The following SPMIP2 variants were observed in gnomAD, a reference collection of about 807,000 sequenced individuals.
The protein encoded by SPMIP2 is sperm microtubule inner protein 2, also known as protein SPMIP2.
chr4:159,045,484 AAGG>A, the SPMIP2 span, among the ~76,000 whole-genome samples: 4 of 152,206 alleles, frequency 2.6e-5, no homozygotes, highest in South Asian at 4.1e-4. Flanking sequence ...ATTGAAAGTG[AAGG>A]AGAAGAAACC....
the SPMIP2 span, among the ~76,000 whole-genome samples, chr4:158,967,311 C>T: frequency 6.6e-6 from 1 of 152,094 alleles, no homozygotes; most frequent in Non-Finnish European, 1.5e-5. Context: ...AATATTTCTC[C>T]CGCCTCACAG....
chr4:158,993,550 G>A, the SPMIP2 span, among the ~76,000 whole-genome samples: 6 of 151,520 alleles, frequency 4.0e-5, no homozygotes, highest in South Asian at 2.1e-4. Flanking sequence ...CATTTAGTTC[G>A]TTCATTTATT....
chr4:158,989,760 C>T, the SPMIP2 span, among the ~76,000 whole-genome samples: 1 of 152,128 alleles, frequency 6.6e-6, no homozygotes, highest in African/African-American at 2.4e-5. Flanking sequence ...AAATGTAAGA[C>T]CTAAAACCAT....
the SPMIP2 span, among the ~76,000 whole-genome samples, chr4:158,928,347 G>A: frequency 7.9e-5 from 12 of 151,568 alleles, no homozygotes; most frequent in African/African-American, 2.2e-4. Flanking sequence ...TACACCAATC[G>A]GCACTCTGTA....
chr4:158,941,554 G>A, the SPMIP2 span, among the ~76,000 whole-genome samples: 1,212 of 152,274 alleles, frequency 8.0e-3, 19 homozygotes, highest in African/African-American at 0.028. Flanking sequence ...AGCTACTTGG[G>A]AGGCTGTGGC....
At chr4:158,928,068 C>A in the SPMIP2 span, among the ~76,000 whole-genome samples, 1 of 152,212 alleles carries the variant, frequency 6.6e-6, no homozygotes, top group African/African-American at 2.4e-5. Context: ...CATCGACCAC[C>A]CAAGGGCTGA....
chr4:159,047,895 G>T, the SPMIP2 span, among the ~76,000 whole-genome samples: 1 of 152,114 alleles, frequency 6.6e-6, no homozygotes, highest in Non-Finnish European at 1.5e-5. Context: ...AAGAAGACGG[G>T]GTTTCAAATA....
chr4:159,030,637 C>G, the SPMIP2 span, among the ~76,000 whole-genome samples: 1 of 151,946 alleles, frequency 6.6e-6, no homozygotes, highest in Non-Finnish European at 1.5e-5. Context: ...GCTGGGATTA[C>G]ACGGGTATGC....
At chr4:159,021,934 A>G in the SPMIP2 span, among the ~76,000 whole-genome samples, 2 of 152,336 alleles carry the variant, frequency 1.3e-5, no homozygotes, top group South Asian at 4.1e-4. Flanking sequence ...GAATCCTCCG[A>G]AAAGGAAATA....
At chr4:158,990,108 C>T in the SPMIP2 span, among the ~76,000 whole-genome samples, 2 of 152,048 alleles carry the variant, frequency 1.3e-5, no homozygotes, top group African/African-American at 2.4e-5. Context: ...TTTATGCAAC[C>T]AATAAACATA....
At chr4:158,974,767 A>T in the SPMIP2 span, among the ~76,000 whole-genome samples, 1 of 152,190 alleles carries the variant, frequency 6.6e-6, no homozygotes, top group Non-Finnish European at 1.5e-5. Flanking sequence ...TGCAAAAAAC[A>T]TACGTGTGCA....
At chr4:159,007,074 GCATACGGT>G in the SPMIP2 span, 3 of 539,836 alleles carry the variant, frequency 5.6e-6, no homozygotes, top group African/African-American at 5.8e-5. Context: ...ATATATTGAA[GCATACGGT>G]AATTAGGAGG....
chr4:158,981,250 A>G, the SPMIP2 span, among the ~76,000 whole-genome samples: 96,640 of 152,010 alleles, frequency 0.64, 31,030 homozygotes, highest in Middle Eastern at 0.71. Context: ...TGAAAGTGAC[A>G]GGGAGAATGG....
At chr4:158,915,279 T>C in the SPMIP2 span, 1 of 1,613,636 alleles carries the variant, frequency 6.2e-7, no homozygotes, top group Non-Finnish European at 8.5e-7. Flanking sequence ...CTGATCAGTG[T>C]CCTCGAAAGC....
the SPMIP2 span, among the ~76,000 whole-genome samples, chr4:158,966,082 C>A: frequency 3.3e-5 from 5 of 152,140 alleles, no homozygotes; most frequent in Non-Finnish European, 7.3e-5. Flanking sequence ...ATAGTGGATT[C>A]CTATAGCATA....
At chr4:158,977,625 T>TTTTTTTTTTC in the SPMIP2 span, among the ~76,000 whole-genome samples, 6 of 104,338 alleles carry the variant, frequency 5.8e-5, 1 homozygote, top group African/African-American at 7.3e-5. Flanking sequence ...TTTTTTTTTT[T>TTTTTTTTTTC]TCTCTTTGAG....
At chr4:158,995,816 C>A in the SPMIP2 span, among the ~76,000 whole-genome samples, 3 of 146,056 alleles carry the variant, frequency 2.1e-5, no homozygotes, top group East Asian at 6.0e-4. Flanking sequence ...GAGATTGCAC[C>A]ACCGCACTCC....
the SPMIP2 span, among the ~76,000 whole-genome samples, chr4:158,995,417 T>C: frequency 1.3e-5 from 2 of 152,218 alleles, no homozygotes; most frequent in African/African-American, 4.8e-5. Flanking sequence ...CTGACACTTA[T>C]GCACAGCTTA....
the SPMIP2 span, among the ~76,000 whole-genome samples, chr4:159,077,246 A>C: frequency 6.7e-6 from 1 of 148,982 alleles, no homozygotes; most frequent in Non-Finnish European, 1.5e-5. Context: ...TCCCAGGTTC[A>C]AGTGATTCTC....
Sources: allele counts gnomAD v4.1 joint callset (sites outside exome capture counted in the v4.1 genomes callset), GRCh38; gene constraint gnomAD v4.1.1; transcripts MANE v1.5; gene names NCBI Gene and HGNC (gene_info 2026-07-23, HGNC 2026-07-21).